The following FOXJ3 variants were observed in gnomAD, a reference collection of about 807,000 sequenced individuals.
FOXJ3 encodes forkhead box J3.
In FOXJ3, 22 loss-of-function variants were observed where a neutral mutation model predicts 76.1. The ratio of observed to expected loss-of-function variants is 0.29; its 90% confidence interval spans 0.21 to 0.41. The LOEUF is 0.41. Among genes scored for constraint, FOXJ3 ranks in the 10% least tolerant of loss-of-function variants. The pLI is 1.00. For synonymous variants in FOXJ3, 269 were observed against 261.2 expected (o/e 1.03, Z -0.29); for missense variants, 613 against 762.1 (o/e 0.80, Z 2.30).
intron 5 of FOXJ3, among the ~76,000 whole-genome samples, chr1:42,224,575 A>G (rs1275501611): frequency 6.6e-6 from 1 of 151,746 alleles, no homozygotes; most frequent in Admixed American, 6.6e-5. Context: ...AATCACTTGA[A>G]CCCAGGAGGC....
At chr1:42,282,131 T>C (rs994828450) in intron 2 of FOXJ3, among the ~76,000 whole-genome samples, 5 of 151,654 alleles carry the variant, frequency 3.3e-5, no homozygotes, top group Admixed American at 2.6e-4. Context: ...AGTCCACTTG[T>C]ATACGAGAAC....
intron 5 of FOXJ3, among the ~76,000 whole-genome samples, chr1:42,226,344 G>A (rs1212988349): frequency 6.6e-6 from 1 of 152,208 alleles, no homozygotes; most frequent in Non-Finnish European, 1.5e-5. Flanking sequence ...GGGCACGGCG[G>A]GTCACGCCTG....
rs1394226426 is a variant in FOXJ3 at position 42,179,785 on chromosome 1, G to C, written c.1794C>G (p.Ser598=). 8.7e-6 allele frequency: 14 copies of C among 1,614,064 alleles called. No homozygotes were observed. Among genetic ancestry groups the C allele is most frequent in the Non-Finnish European group, 1.2e-5 (14 of 1,179,936 alleles). The change falls in exon 13 of 13, where the codon TCC becomes TCG. Residue 598 remains serine, a synonymous_variant. Coordinates refer to ENST00000361346, the MANE Select transcript of FOXJ3 (RefSeq NM_014947.5). ...GGGAACGCCGCATCTGGAAGGCTTG[G>C]GAAGGCATCATGTGCTGCTGGTTCA... ...RAMNQQHMMP[S]QAFQMRRSLP...
chr1:42,206,337 C>G (rs746760643), intron 5 of FOXJ3, among the ~76,000 whole-genome samples: 5 of 152,186 alleles, frequency 3.3e-5, no homozygotes, highest in Non-Finnish European at 5.9e-5. Flanking sequence ...TGAAAGAAAC[C>G]TGCTTGCCCA....
intron 11 of FOXJ3, among the ~76,000 whole-genome samples, chr1:42,188,495 C>G (rs530145899): frequency 3.3e-5 from 5 of 152,154 alleles, no homozygotes; most frequent in Admixed American, 1.3e-4. Context: ...ATGGTTACAA[C>G]AGTTAACTGT....
chr1:42,202,431 CATT>C (rs1646781123), intron 6 of FOXJ3, among the ~76,000 whole-genome samples: 2 of 151,242 alleles, frequency 1.3e-5, no homozygotes, highest in South Asian at 4.2e-4. Context: ...AAGTAAAGAA[CATT>C]AGTGAGCTTT....
At chr1:42,198,772 AGAAG>A (rs1268947020) in intron 7 of FOXJ3, among the ~76,000 whole-genome samples, 3 of 152,216 alleles carry the variant, frequency 2.0e-5, no homozygotes, top group African/African-American at 7.2e-5. Context: ...CTAAGCTCTA[AGAAG>A]TACAGAATAT....
chr1:42,298,879 C>T (rs891127964), intron 2 of FOXJ3, among the ~76,000 whole-genome samples: 3 of 152,080 alleles, frequency 2.0e-5, no homozygotes, highest in Admixed American at 6.6e-5. Context: ...TTTCAATTTC[C>T]GCCTTAATTG....
intron 11 of FOXJ3, 48 bp downstream of exon 11, chr1:42,188,689 G>A (rs372696955): frequency 1.8e-4 from 226 of 1,287,688 alleles, no homozygotes; most frequent in Non-Finnish European, 2.2e-4. Flanking sequence ...ACTAAATTTC[G>A]TACGAATGAG....
At chr1:42,247,189 T>C (rs1001682031) in intron 4 of FOXJ3, among the ~76,000 whole-genome samples, 1 of 152,170 alleles carries the variant, frequency 6.6e-6, no homozygotes, top group African/African-American at 2.4e-5. Flanking sequence ...TACATTAAAA[T>C]GATAAATACT....
chr1:42,202,215 G>C (rs1646777253), intron 6 of FOXJ3, among the ~76,000 whole-genome samples: 1 of 151,992 alleles, frequency 6.6e-6, no homozygotes, highest in African/African-American at 2.4e-5. Flanking sequence ...TTTCAATTCA[G>C]ACACTGCAGT....
At chr1:42,237,759 T>C (rs1424775112) in intron 4 of FOXJ3, among the ~76,000 whole-genome samples, 2 of 152,072 alleles carry the variant, frequency 1.3e-5, no homozygotes, top group Non-Finnish European at 2.9e-5. Context: ...AGTCTTAACT[T>C]CCATGTTTAG....
At position 42,208,988 on chromosome 1, in the gene FOXJ3, G is replaced by A. The variant is rs1023767691; in HGVS notation, c.529-3125C>T. On this transcript the variant is annotated intron_variant, in intron 5 of 12. Transcript: ENST00000361346. ...TGGTTGTATAGGTACTTGAAGTACT[G>A]TTGCTACTGAATATGTGTTGCTTTT... is the stretch of plus-strand genomic sequence containing the variant. 5.9e-5 allele frequency among the ~76,000 whole-genome samples: 9 copies of A among 152,192 alleles called. 1 individual carries two copies.
chr1:42,215,925 G>A (rs1647054800), intron 5 of FOXJ3, among the ~76,000 whole-genome samples: 1 of 152,084 alleles, frequency 6.6e-6, no homozygotes, highest in Non-Finnish European at 1.5e-5. Context: ...GTTGAGATGG[G>A]AGGATCACTT....
At chr1:42,244,781 G>T (rs754369161) in intron 4 of FOXJ3, among the ~76,000 whole-genome samples, 3 of 152,054 alleles carry the variant, frequency 2.0e-5, no homozygotes, top group African/African-American at 4.8e-5. Context: ...CTGTAAAACT[G>T]AGAGGAAATG....
At chr1:42,257,477 A>G (rs1160622358) in intron 4 of FOXJ3, among the ~76,000 whole-genome samples, 1 of 152,168 alleles carries the variant, frequency 6.6e-6, no homozygotes, top group Non-Finnish European at 1.5e-5. Context: ...GCACTTTGGG[A>G]GGCCAACGCG....
chr1:42,195,222 C>CA lies in FOXJ3; in HGVS notation c.760-159dup, dbSNP rs1339564219. 5.9e-5 allele frequency among the ~76,000 whole-genome samples: 9 copies of CA among 152,166 alleles called. No individual in the cohort carries two copies. In the East Asian group the frequency reaches 1.3e-3, roughly 23 times the overall value. On this transcript the variant is annotated intron_variant, in intron 7 of 12. Transcript: ENST00000361346. ...CCATCCTCTGTTAAAGCATAATGGA[C>CA]AGAAAGCAAAACAGCTAAACTGAAT... is the stretch of plus-strand genomic sequence containing the variant.
At chr1:42,201,043 T>G (rs1468226337) in intron 6 of FOXJ3, among the ~76,000 whole-genome samples, 2 of 152,158 alleles carry the variant, frequency 1.3e-5, no homozygotes. Context: ...AGGTATTTGA[T>G]GTTTCTGAAT....
chr1:42,271,823 T>G (rs1441141727), intron 3 of FOXJ3, among the ~76,000 whole-genome samples: 1 of 151,998 alleles, frequency 6.6e-6, no homozygotes, highest in Non-Finnish European at 1.5e-5. Context: ...TAATTTCTTT[T>G]TTTATTTTTT....
Sources: allele counts gnomAD v4.1 joint callset (sites outside exome capture counted in the v4.1 genomes callset), GRCh38; gene constraint gnomAD v4.1.1; transcripts MANE v1.5; gene names NCBI Gene and HGNC (gene_info 2026-07-23, HGNC 2026-07-21).